The following PCLO variants were observed in gnomAD, a reference collection of about 807,000 sequenced individuals.
PCLO encodes the protein piccolo presynaptic cytomatrix protein, also known as protein piccolo.
PCLO carries 82 observed loss-of-function variants against 427.5 expected under a neutral mutation model. The observed-to-expected ratio is 0.19, with a 90% CI of 0.16 to 0.23. The LOEUF (loss-of-function observed/expected upper bound fraction) is 0.23. PCLO is among the 10% of genes least tolerant of loss of function. The pLI is 1.00. For missense variants in PCLO, 6,239 were observed against 6,115.9 expected (o/e 1.02, Z -0.67); for synonymous variants, 2,357 against 2,155.4 (o/e 1.09, Z -2.59).
intron 2 of PCLO, among the ~76,000 whole-genome samples, chr7:83,137,154 G>C (rs2116625500): frequency 6.6e-6 from 1 of 152,180 alleles, no homozygotes; most frequent in Middle Eastern, 3.4e-3. Context: ...CTGGCAAACA[G>C]TACATTTTCT....
chr7:83,026,707 A>T (rs1025485117), intron 3 of PCLO, among the ~76,000 whole-genome samples: 21 of 152,108 alleles, frequency 1.4e-4, no homozygotes, highest in African/African-American at 5.1e-4. Flanking sequence ...ACTTGGAAGT[A>T]AAGCTCTCCT....
chr7:83,154,143 T>C (rs1234130595), intron 2 of PCLO, among the ~76,000 whole-genome samples: 1 of 152,204 alleles, frequency 6.6e-6, no homozygotes, highest in African/African-American at 2.4e-5. Context: ...GCCTAGGCGA[T>C]ATAAACTGTC....
intron 3 of PCLO, among the ~76,000 whole-genome samples, chr7:83,120,219 T>G (rs763503655): frequency 6.6e-6 from 1 of 151,600 alleles, no homozygotes; most frequent in Non-Finnish European, 1.5e-5. Context: ...CTGGCCAACA[T>G]AGCAAATCCT....
intron 3 of PCLO, among the ~76,000 whole-genome samples, chr7:83,038,025 A>ATATATATATATATATATATATT (rs1562932933): frequency 2.0e-5 from 1 of 49,086 alleles, no homozygotes; most frequent in Non-Finnish European, 3.2e-5. Context: ...ATATATATAT[A>ATATATATATATATATATATATT]TATATTTATA....
At chr7:83,061,567 T>C (rs1789544235) in intron 3 of PCLO, among the ~76,000 whole-genome samples, 1 of 152,218 alleles carries the variant, frequency 6.6e-6, no homozygotes, top group South Asian at 2.1e-4. Flanking sequence ...GGAGAGAATC[T>C]TAGGGACCAC....
chr7:82,971,025 C>G (rs1392463881), intron 3 of PCLO, among the ~76,000 whole-genome samples: 1 of 151,466 alleles, frequency 6.6e-6, no homozygotes, highest in Non-Finnish European at 1.5e-5. Context: ...AAAAATAATC[C>G]AAAGATTTTT....
chr7:82,954,601 C>A lies in PCLO; in HGVS notation c.6352G>T (p.Asp2118Tyr), dbSNP rs1480665826. ...SSVLSGASLT[D>Y]STSSATLSIP... ...GAGAGTGTTGCACTGCTGGTCGAAT[C>A]TGTAAGAGACGCTCCTGAGAGAACA... Residue 2118 changes from aspartate (D) to tyrosine (Y), a missense_variant, in exon 5 of 25, where the codon GAT (aspartate) becomes TAT (tyrosine). Transcript: ENST00000333891. 6.8e-6 allele frequency: 11 copies of A among 1,613,944 alleles called. No homozygotes were observed. In the East Asian group the frequency reaches 1.6e-4, roughly 23 times the overall value.
intron 3 of PCLO, among the ~76,000 whole-genome samples, chr7:83,114,211 T>G (rs1028560446): frequency 1.3e-5 from 2 of 152,244 alleles, no homozygotes; most frequent in Admixed American, 6.5e-5. Flanking sequence ...TTGATAGTCC[T>G]GAGGAGATAA....
intron 9 of PCLO, among the ~76,000 whole-genome samples, chr7:82,888,281 G>A (rs919128137): frequency 1.2e-4 from 18 of 152,020 alleles, no homozygotes; most frequent in Non-Finnish European, 2.1e-4. Context: ...GGTCTTCCAC[G>A]AGAAGCAGAA....
intron 14 of PCLO, among the ~76,000 whole-genome samples, chr7:82,839,321 A>T (rs548960694): frequency 3.9e-5 from 6 of 152,174 alleles, no homozygotes; most frequent in Middle Eastern, 3.4e-3. Flanking sequence ...CTTCATAATG[A>T]AATAAATCCT....
intron 9 of PCLO, among the ~76,000 whole-genome samples, chr7:82,892,615 G>C (rs2116130227): frequency 6.6e-6 from 1 of 151,964 alleles, no homozygotes; most frequent in South Asian, 2.1e-4. Context: ...CACAGCAAAA[G>C]AAACTACCAT....
rs2715150 is a variant in PCLO, at chr7:82,826,579, A to G, written c.14415+10T>C. The G allele has an allele frequency of 0.43, 669,046 of 1,562,864 alleles. 151,334 individuals are homozygous for G. The highest frequency in any genetic ancestry group is 0.65 in the East Asian group (28,565 of 43,636). ...AGCAGCAAATAAGGGAAAGGAAGTCAGAGGCTTACCTCCCCAAGGAAGTCG... is the reference window on the plus strand; with the variant it reads ...AGCAGCAAATAAGGGAAAGGAAGTCGGAGGCTTACCTCCCCAAGGAAGTCG... On this transcript the variant is annotated intron_variant, in intron 18 of 24. Transcript: ENST00000333891.
intron 4 of PCLO, among the ~76,000 whole-genome samples, chr7:82,958,340 TCCTC>T (rs200955357): frequency 6.9e-6 from 1 of 144,828 alleles, no homozygotes; most frequent in African/African-American, 2.8e-5. Flanking sequence ...CTTCCTTCCT[TCCTC>T]CCTTCTTCCT....
intron 3 of PCLO, among the ~76,000 whole-genome samples, chr7:83,064,771 G>A (rs931022640): frequency 2.6e-5 from 4 of 151,964 alleles, no homozygotes; most frequent in African/African-American, 9.6e-5. Context: ...AAAATCATGA[G>A]TTCATCTGTC....
chr7:82,838,949 T>G (rs2115764238), intron 14 of PCLO, among the ~76,000 whole-genome samples: 1 of 152,148 alleles, frequency 6.6e-6, no homozygotes, highest in African/African-American at 2.4e-5. Context: ...CTTTTAATTT[T>G]AGAAGCTGAA....
chr7:82,905,478 T>G (rs1236906615), intron 8 of PCLO, among the ~76,000 whole-genome samples: 1 of 151,896 alleles, frequency 6.6e-6, no homozygotes, highest in Non-Finnish European at 1.5e-5. Flanking sequence ...TATGCATATA[T>G]AACATGGTAG....
chr7:83,097,521 C>CAA (rs56409753), intron 3 of PCLO, among the ~76,000 whole-genome samples: 65,093 of 144,776 alleles, frequency 0.45, 14,942 homozygotes, highest in East Asian at 0.7. Context: ...GACCCAGTCT[C>CAA]AAAAATATAT....
intron 2 of PCLO, among the ~76,000 whole-genome samples, chr7:83,143,727 A>G (rs915334186): frequency 9.9e-5 from 15 of 152,116 alleles, no homozygotes; most frequent in Admixed American, 5.9e-4. Flanking sequence ...AAGTGTATCC[A>G]TACCGTATCA....
intron 19 of PCLO, among the ~76,000 whole-genome samples, 194 bp downstream of exon 19, chr7:82,824,042 A>C (rs1456785537): frequency 3.3e-5 from 5 of 152,144 alleles, no homozygotes; most frequent in Non-Finnish European, 5.9e-5. Flanking sequence ...AAAGTACTAC[A>C]CCTAAGTATG....
Sources: gnomAD v4.1 joint callset for allele counts (sites outside exome capture counted in the v4.1 genomes callset) on GRCh38, gnomAD v4.1.1 for gene constraint, MANE v1.5 for transcripts, NCBI Gene and HGNC (gene_info 2026-07-23, HGNC 2026-07-21) for gene names.